Variants in SI observed in about 807,000 individuals in gnomAD.
SI encodes sucrase-isomaltase, intestinal.
In SI, 235 loss-of-function variants were observed where a neutral mutation model predicts 253.3. The observed-to-expected ratio is 0.93, with a 90% CI of 0.83 to 1.03. The LOEUF is 1.03. Among genes scored for constraint, SI ranks in the 50% least tolerant of loss-of-function variants. SI has a pLI of 0.00. For synonymous variants in SI, 819 were observed against 712.0 expected, an observed-to-expected ratio of 1.15 and a Z score of -2.39; for missense variants, 2,442 against 2,211.1, an observed-to-expected ratio of 1.10 and a Z score of -2.09.
In SI at chr3:165,015,934, T is replaced by A; in HGVS notation, c.3888+18A>T. 6.2e-7 allele frequency: 1 copy of A among 1,602,206 alleles called. No homozygotes were observed. The stretch of plus-strand genomic sequence containing the variant: ...ATGGAAACAAGAAATAAGACTCAGG[T>A]AAACTCCAAGTACTGACCAGGATAA... On this transcript the variant is annotated intron_variant, in intron 32 of 47. Coordinates refer to ENST00000264382, the MANE Select transcript of SI (RefSeq NM_001041.4).
At chr3:165,027,239 G>C (rs1711976950) in intron 25 of SI, among the ~76,000 whole-genome samples, 1 of 150,024 alleles carries the variant, frequency 6.7e-6, no homozygotes, top group South Asian at 2.1e-4. Context: ...TTCCTGGAAT[G>C]ACACAACCTT....
At chr3:165,054,555 A>T (rs1487071646) in intron 13 of SI, among the ~76,000 whole-genome samples, 1 of 152,038 alleles carries the variant, frequency 6.6e-6, no homozygotes, top group Non-Finnish European at 1.5e-5. Context: ...GGGTTTCACC[A>T]TGTTGGTCGG....
At chr3:165,060,778 A>G (rs1037738482) in intron 9 of SI, among the ~76,000 whole-genome samples, 3 of 148,498 alleles carry the variant, frequency 2.0e-5, no homozygotes, top group Non-Finnish European at 3.0e-5. Context: ...CATACTCAAC[A>G]TAATAAATTT....
Position 165,030,670 on chromosome 3 carries a change from TGTGATAACCATATCATGA to T in SI, c.2892+24_2892+41del, listed in dbSNP as rs899351214. 2.5e-6 allele frequency: 4 copies of T among 1,586,888 alleles called. No individual in the cohort carries two copies. The Admixed American group carries it at 5.1e-5, about 20-fold the overall frequency. On this transcript the variant is annotated intron_variant, in intron 25 of 47. Coordinates refer to ENST00000264382, the MANE Select transcript of SI (RefSeq NM_001041.4). Reference sequence around the variant, plus strand: ...TGTAAAATTTGCACCAAAATGCTTATGTGATAACCATATCATGAGTAATAGTTAAAATTATTATTACCG... The same window carrying T: ...TGTAAAATTTGCACCAAAATGCTTATGTAATAGTTAAAATTATTATTACCG...
chr3:164,980,226 T>A lies in SI; in HGVS notation c.5416-796A>T, dbSNP rs371494425. Among the ~76,000 whole-genome samples the A allele has an allele frequency of 1.9e-4, 29 of 152,056 alleles. No individual in the cohort carries two copies. The East Asian group carries it at 1.9e-3, about 10-fold the overall frequency. Reference sequence around the variant, plus strand: ...TTAAAGCACAGCACATTTGGATTAATTTACCACATTTGATAAATTAATTTA... The same window carrying A: ...TTAAAGCACAGCACATTTGGATTAAATTACCACATTTGATAAATTAATTTA... On this transcript the variant is annotated intron_variant, in intron 47 of 47. Coordinates refer to ENST00000264382, the MANE Select transcript of SI (RefSeq NM_001041.4).
chr3:165,067,816 C>A (rs1229357949), intron 5 of SI, among the ~76,000 whole-genome samples: 2 of 151,690 alleles, frequency 1.3e-5, no homozygotes, highest in Admixed American at 6.6e-5. Context: ...TTTAATCAAT[C>A]TCAATGCTTT....
At position 165,013,025 on chromosome 3, in the gene SI, G is replaced by C. The variant is rs780823101; in HGVS notation, c.4017C>G (p.Pro1339=). 2 of 1,609,416 alleles carry C rather than the reference G, an allele frequency of 1.2e-6. No individual in the cohort carries two copies. The highest frequency in any genetic ancestry group is 1.7e-5 in the Admixed American group (1 of 59,972). ...TTAGAGTTTTATCTATTGTTATGTTGGGCAAATCTGGCCAAACCTACAAGA... is the reference window on the plus strand; with the variant it reads ...TTAGAGTTTTATCTATTGTTATGTTCGGCAAATCTGGCCAAACCTACAAGA... ...ICWAKVWPDL[P]NITIDKTLTE... is the part of the protein sequence containing the mutation. The change falls in exon 34 of 48, where the codon CCC becomes CCG. Residue 1339 remains proline (P), a synonymous_variant. Transcript: ENST00000264382.
At chr3:164,985,870 A>C (rs752840825) in intron 45 of SI, among the ~76,000 whole-genome samples, 4 of 152,158 alleles carry the variant, frequency 2.6e-5, no homozygotes, top group Non-Finnish European at 5.9e-5. Context: ...TATAATCTGC[A>C]TTCTTAGCAA....
At chr3:165,087,478 T>C in the SI span, among the ~76,000 whole-genome samples, 28 of 152,132 alleles carry the variant, frequency 1.8e-4, no homozygotes, top group African/African-American at 6.3e-4. Context: ...AAACACACTC[T>C]GCAAGCCAAC....
At chr3:165,062,098 A>C (rs1472614735) in intron 9 of SI, among the ~76,000 whole-genome samples, 1 of 151,968 alleles carries the variant, frequency 6.6e-6, no homozygotes. Context: ...TAAATATATA[A>C]TATTCAACAT....
chr3:165,060,070 T>A (rs1166049500), intron 9 of SI, 43 bp from the exon 10 acceptor site: 1 of 1,565,090 alleles, frequency 6.4e-7, no homozygotes, highest in Admixed American at 1.7e-5. Flanking sequence ...TAGAAATAAA[T>A]ATATTTAGCA....
intron 16 of SI, among the ~76,000 whole-genome samples, chr3:165,046,371 C>T (rs1410087693): frequency 6.8e-6 from 1 of 146,328 alleles, no homozygotes; most frequent in African/African-American, 2.5e-5. Flanking sequence ...ATTCCTAGTA[C>T]ACATTTTCTC....
At position 165,065,429 on chromosome 3, in the gene SI, A is replaced by G. The variant is rs368517998; in HGVS notation, c.639T>C (p.Phe213=). ...ACACTAAGGGACCAATGCTGGTGTCAAACCTGCACCATAAAAGAAATAAAG... is the reference window on the plus strand; with the variant it reads ...ACACTAAGGGACCAATGCTGGTGTCGAACCTGCACCATAAAAGAAATAAAG... ...VIRKSNGKTL[F]DTSIGPLVYS... The change falls in exon 7 of 48, where the codon TTT becomes TTC. Residue 213 remains phenylalanine (F), a synonymous_variant. Transcript: ENST00000264382. 177 of 1,439,866 alleles carry G rather than the reference A, an allele frequency of 1.2e-4. No individual in the cohort carries two copies. The highest frequency in any genetic ancestry group is 1.6e-4 in the Non-Finnish European group (165 of 1,051,822). 89.2% of individuals were successfully genotyped at this position (1,439,866 alleles called of 1,614,324 possible).
upstream of SI, among the ~76,000 whole-genome samples, chr3:165,083,003 A>T: frequency 6.6e-6 from 1 of 151,960 alleles, no homozygotes; most frequent in Non-Finnish European, 1.5e-5. Context: ...CAGGTATCAT[A>T]ATCTTTGTTC....
chr3:165,065,154 A>G (rs2108258193), intron 7 of SI, 107 bp downstream of exon 7: 1 of 735,326 alleles, frequency 1.4e-6, no homozygotes, highest in Admixed American at 2.2e-5. Context: ...GTGACATTCA[A>G]ATAGTTTAGT....
rs188664683 is a variant in SI at position 165,036,294 on chromosome 3, T to C, written c.2515+95A>G. ...AACATTAGGAATTAAAAATAAAAAT[T>C]CGTGATATTTAAAAAATGATACAAC... On this transcript the variant is annotated intron_variant, in intron 22 of 47. Coordinates refer to ENST00000264382, the MANE Select transcript of SI (RefSeq NM_001041.4). 412 of 803,896 alleles carry C rather than the reference T, an allele frequency of 5.1e-4. 2 individuals are homozygous for C. In the African/African-American group the frequency reaches 6.1e-3, roughly 12 times the overall value. 49.8% of individuals were successfully genotyped at this position (803,896 alleles called of 1,614,324 possible).
At chr3:165,076,283 TA>T (rs1389960820) in intron 1 of SI, among the ~76,000 whole-genome samples, 1 of 151,774 alleles carries the variant, frequency 6.6e-6, no homozygotes, top group Non-Finnish European at 1.5e-5. Flanking sequence ...ACAGTAGTAG[TA>T]GTACACTAAG....
intron 1 of SI, among the ~76,000 whole-genome samples, chr3:165,076,854 T>G (rs1246160097): frequency 6.6e-6 from 1 of 151,648 alleles, no homozygotes. Flanking sequence ...TTCTCAAGTT[T>G]CCATGGATTA....
At position 165,074,670 on chromosome 3, in the gene SI, G is replaced by C; in HGVS notation, c.119-3C>G. On this transcript the variant is annotated splice_polypyrimidine_tract_variant and splice_region_variant and intron_variant, in intron 2 of 47. Transcript: ENST00000264382. ...AGTTGAAGTAGAATCACTAATTTCT[G>C]GGGGAGGAAAAAACTCAATAAAATA... The C allele has an allele frequency of 6.2e-7, 1 of 1,606,914 alleles. No individual in the cohort carries two copies. Among genetic ancestry groups the C allele is most frequent in the Non-Finnish European group, 8.5e-7 (1 of 1,174,672 alleles).
Sources: allele counts gnomAD v4.1 joint callset (sites outside exome capture counted in the v4.1 genomes callset), GRCh38; gene constraint gnomAD v4.1.1; transcripts MANE v1.5; gene names NCBI Gene and HGNC (gene_info 2026-07-23, HGNC 2026-07-21).